UACA: variants seen among roughly 807,000 people sequenced by gnomAD.
UACA encodes the protein uveal autoantigen with coiled-coil domains and ankyrin repeats, also known as nuclear membrane binding protein.
A neutral mutation model predicts 160.5 loss-of-function variants in UACA; 112 were observed. That is an observed-to-expected ratio of 0.70 (90% CI 0.60 to 0.82). The LOEUF (loss-of-function observed/expected upper bound fraction) is 0.82. Ranked by LOEUF, UACA falls within the 40% of genes least tolerant of loss-of-function variation. The pLI, the probability that UACA is intolerant of heterozygous loss-of-function variation, is 0.00. For synonymous variants in UACA, 557 were observed against 568.4 expected (o/e 0.98, Z 0.29); for missense variants, 1,574 against 1,614.6 (o/e 0.97, Z 0.43).
chr15:70,677,986 T>C (rs1218203671), intron 11 of UACA, 113 bp downstream of exon 11: 6 of 727,278 alleles, frequency 8.2e-6, no homozygotes, highest in Non-Finnish European at 1.1e-5. Flanking sequence ...CCCAGTAAGA[T>C]TTAACTCCTC....
chr15:70,686,049 C>G (rs1189173917), intron 7 of UACA, among the ~76,000 whole-genome samples: 3 of 151,970 alleles, frequency 2.0e-5, no homozygotes, highest in Non-Finnish European at 4.4e-5. Context: ...TTTTAAAATC[C>G]AATTTTCTTC....
chr15:70,678,916 T>C (rs11854529), intron 10 of UACA, among the ~76,000 whole-genome samples: 8,413 of 152,238 alleles, frequency 0.055, 312 homozygotes, highest in Middle Eastern at 0.095. Context: ...TTTTTAATAC[T>C]ATAATTTTCT....
At chr15:70,710,849 C>T (rs1898662877) in intron 1 of UACA, among the ~76,000 whole-genome samples, 1 of 152,228 alleles carries the variant, frequency 6.6e-6, no homozygotes, top group Admixed American at 6.5e-5. Flanking sequence ...TCTCTGAACC[C>T]TGTCCTTTTG....
At chr15:70,662,729 T>C (rs1896755779) in intron 17 of UACA, among the ~76,000 whole-genome samples, 1 of 152,200 alleles carries the variant, frequency 6.6e-6, no homozygotes, top group African/African-American at 2.4e-5. Flanking sequence ...CTATCTGATC[T>C]TTGACAAACC....
intron 1 of UACA, among the ~76,000 whole-genome samples, chr15:70,724,102 T>C (rs1175518543): frequency 6.6e-6 from 1 of 152,220 alleles, no homozygotes; most frequent in African/African-American, 2.4e-5. Context: ...TGTCTACAAA[T>C]TTCTCAAGAG....
intron 1 of UACA, among the ~76,000 whole-genome samples, chr15:70,740,176 T>C (rs1351141616): frequency 6.6e-6 from 1 of 151,582 alleles, no homozygotes; most frequent in Non-Finnish European, 1.5e-5. Context: ...TTTAAATACA[T>C]AAGAAATACT....
intron 5 of UACA, among the ~76,000 whole-genome samples, chr15:70,689,493 T>TA (rs576971646): frequency 2.6e-5 from 4 of 151,552 alleles, no homozygotes; most frequent in Non-Finnish European, 4.4e-5. Context: ...CCTTCTATAT[T>TA]AAAAAAAAGA....
chr15:70,766,065 C>T (rs1416801492), upstream of UACA, among the ~76,000 whole-genome samples: 1 of 152,210 alleles, frequency 6.6e-6, no homozygotes, highest in Non-Finnish European at 1.5e-5. Context: ...GCATCAGGTT[C>T]CAAAAATGTT....
intron 1 of UACA, among the ~76,000 whole-genome samples, chr15:70,739,205 G>A (rs768775275): frequency 1.9e-4 from 29 of 152,252 alleles, no homozygotes; most frequent in Non-Finnish European, 3.8e-4. Flanking sequence ...ATGCACAAAG[G>A]ATAAAAACTA....
chr15:70,678,000 A>G, intron 11 of UACA, 99 bp downstream of exon 11: 1 of 840,112 alleles, frequency 1.2e-6, no homozygotes, highest in Middle Eastern at 3.6e-4. Context: ...ACTCCTCTGA[A>G]GTGCAATGAG....
the UACA span, among the ~76,000 whole-genome samples, chr15:70,770,001 A>T: frequency 6.6e-6 from 1 of 152,248 alleles, no homozygotes; most frequent in Non-Finnish European, 1.5e-5. Context: ...CCTCTCAAAA[A>T]TAAGTAAATA....
At chr15:70,715,191 G>A (rs1898789108) in intron 1 of UACA, among the ~76,000 whole-genome samples, 1 of 152,156 alleles carries the variant, frequency 6.6e-6, no homozygotes, top group Non-Finnish European at 1.5e-5. Context: ...AAAAACCAAG[G>A]AGGGTCACTG....
At chr15:70,747,401 G>T (rs1000856128) in intron 1 of UACA, among the ~76,000 whole-genome samples, 1 of 151,648 alleles carries the variant, frequency 6.6e-6, no homozygotes, top group African/African-American at 2.4e-5. Flanking sequence ...ACAAGGTCTT[G>T]CTCTATCGCC....
In UACA at chr15:70,759,726, A is replaced by G. The variant is rs997697189; in HGVS notation, c.78+3604T>C. On this transcript the variant is annotated intron_variant, in intron 1 of 18. Transcript: ENST00000322954. ...TCATTTATGGTTAACAGATGCAGCC[A>G]TCTCCAGATTTGCTAGTAAAGGACT... Among the ~76,000 whole-genome samples the G allele has an allele frequency of 6.8e-4, 103 of 152,368 alleles. 1 individual carries two copies. The highest frequency in any genetic ancestry group is 2.4e-3 in the African/African-American group (99 of 41,590).
At chr15:70,708,797 AAT>A (rs1796749023) in intron 1 of UACA, among the ~76,000 whole-genome samples, 1 of 152,164 alleles carries the variant, frequency 6.6e-6, no homozygotes, top group South Asian at 2.1e-4. Flanking sequence ...AATACTAACA[AAT>A]ATTAATTTTT....
In UACA at chr15:70,673,518, T is replaced by C. The variant is rs1445533120; in HGVS notation, c.1132-1517A>G. Reference sequence around the variant, plus strand: ...AAGCTTAGTTAAGCTCTTTGTTCTATGGAATATTTAATACTAAAGTTTACA... The same window carrying C: ...AAGCTTAGTTAAGCTCTTTGTTCTACGGAATATTTAATACTAAAGTTTACA... On this transcript the variant is annotated intron_variant, in intron 13 of 18. Coordinates refer to ENST00000322954, the MANE Select transcript of UACA (RefSeq NM_018003.4). Among the ~76,000 whole-genome samples the C allele has an allele frequency of 2.0e-5, 3 of 152,190 alleles. No homozygotes were observed. The East Asian group carries it at 5.8e-4, about 29-fold the overall frequency.
chr15:70,715,949 G>C (rs1898808754), intron 1 of UACA, among the ~76,000 whole-genome samples: 1 of 152,138 alleles, frequency 6.6e-6, no homozygotes, highest in South Asian at 2.1e-4. Context: ...GGGATATAAA[G>C]GAACTAATTT....
chr15:70,655,931 T>TA lies in UACA; in HGVS notation c.*1124dup, dbSNP rs1468147959. The TA allele has an allele frequency of 6.6e-6, 1 of 152,174 alleles. No homozygotes were observed. Among genetic ancestry groups the TA allele is most frequent in the Non-Finnish European group, 1.5e-5 (1 of 68,006 alleles). 9.4% of individuals were successfully genotyped at this position (152,174 alleles called of 1,614,324 possible). On this transcript the variant is annotated 3_prime_UTR_variant, in exon 19 of 19. Coordinates refer to ENST00000322954, the MANE Select transcript of UACA (RefSeq NM_018003.4). ...CTCTGAATGGTAAATAAAATGTTAA[T>TA]AAAAAATAACAAGACATATAAACTT... is the stretch of plus-strand genomic sequence containing the variant.
intron 1 of UACA, among the ~76,000 whole-genome samples, chr15:70,742,031 A>C (rs1899554251): frequency 6.6e-6 from 1 of 152,358 alleles, no homozygotes; most frequent in South Asian, 2.1e-4. Flanking sequence ...CCAGGATGTC[A>C]AAACAGTTCA....
Sources: gnomAD v4.1 joint callset for allele counts (sites outside exome capture counted in the v4.1 genomes callset) on GRCh38, gnomAD v4.1.1 for gene constraint, MANE v1.5 for transcripts, NCBI Gene and HGNC (gene_info 2026-07-23, HGNC 2026-07-21) for gene names.